Variants in EEF2 observed in about 807,000 individuals in gnomAD.
EEF2 encodes eukaryotic translation elongation factor 2, also known as elongation factor 2.
Under a neutral mutation model 85.3 loss-of-function variants are expected in EEF2, and 21 were observed. The ratio of observed to expected loss-of-function variants is 0.25; its 90% CI spans 0.17 to 0.35. The LOEUF (loss-of-function observed/expected upper bound fraction) is 0.35. EEF2 is among the 10% of genes least tolerant of loss of function. The probability of loss-of-function intolerance (pLI) is 1.00; values close to 1 mark genes in which losing one functional copy is unlikely to be tolerated. For missense variants in EEF2, 825 were observed against 1,225.3 expected, an observed-to-expected ratio of 0.67 and a Z score of 4.88; for synonymous variants, 723 against 508.8, an observed-to-expected ratio of 1.42 and a Z score of -5.67.
Position 3,980,707 on chromosome 19 carries a change from T to C in EEF2, c.1153A>G (p.Ile385Val), listed in dbSNP as rs1311584123. The change falls in exon 9 of 15, where the codon ATT becomes GTT. Residue 385 changes from isoleucine (I) to valine (V), a missense_variant and splice_region_variant. Transcript: ENST00000309311. ...GGGCCTTTGGGGTCACAGCTTTTAA[T>C]GCCTGAGGGACAGAGAAAACCCGCA... ...GPPDDEAAMG[I>V]KSCDPKGPLM... is the part of the protein sequence containing the mutation. The C allele has an allele frequency of 2.5e-6, 4 of 1,612,968 alleles. No homozygotes were observed. The East Asian group carries it at 8.9e-5, about 36-fold the overall frequency.
chr19:3,983,594 A>G (rs980865553), intron 2 of EEF2, among the ~76,000 whole-genome samples: 5 of 152,268 alleles, frequency 3.3e-5, no homozygotes, highest in Admixed American at 2.0e-4. Flanking sequence ...AAGACCCAGC[A>G]GGACGGCAAA....
intron 2 of EEF2, 152 bp from the exon 3 acceptor site, chr19:3,983,443 T>C (rs988264612): frequency 1.2e-6 from 1 of 811,022 alleles, no homozygotes; most frequent in African/African-American, 1.8e-5. Flanking sequence ...CCTTTGCCTC[T>C]GTCCGAGACA....
At chr19:3,976,882 C>A in intron 14 of EEF2, 135 bp from the exon 15 acceptor site, 1 of 1,108,328 alleles carries the variant, frequency 9.0e-7, no homozygotes, top group Non-Finnish European at 1.2e-6. Flanking sequence ...GTGCCCAGCA[C>A]TTCACGAAGG....
At chr19:3,985,223 TG>T in intron 1 of EEF2, 154 bp downstream of exon 1, 1 of 801,726 alleles carries the variant, frequency 1.2e-6, no homozygotes. Flanking sequence ...CGCACAGACA[TG>T]GCGGCGGCCG....
intron 4 of EEF2, 65 bp downstream of exon 4, chr19:3,982,742 A>G: frequency 6.5e-7 from 1 of 1,527,776 alleles, no homozygotes; most frequent in Admixed American, 1.9e-5. Context: ...GCTCAACTCC[A>G]CTCCCCACCG....
intron 6 of EEF2, among the ~76,000 whole-genome samples, chr19:3,981,662 T>C (rs1245228069): frequency 1.3e-5 from 2 of 152,228 alleles, no homozygotes; most frequent in Non-Finnish European, 2.9e-5. Context: ...AAGCCCACTC[T>C]GACTCAGACA....
At chr19:3,982,108 G>A (rs2039756630) in intron 5 of EEF2, 56 bp from the exon 6 acceptor site, 2 of 1,604,888 alleles carry the variant, frequency 1.2e-6, no homozygotes, top group Non-Finnish European at 1.7e-6. Flanking sequence ...ATGACTTGGG[G>A]AGGGTGGTCG....
intron 10 of EEF2, 133 bp from the exon 11 acceptor site, chr19:3,979,569 C>T: frequency 1.1e-6 from 1 of 942,468 alleles, no homozygotes; most frequent in Non-Finnish European, 1.6e-6. Flanking sequence ...CTGGGACCAG[C>T]ACAAACTCCT....
At position 3,977,118 on chromosome 19, in the gene EEF2, C is replaced by G; in HGVS notation, c.2383+97G>C. The G allele has an allele frequency of 6.6e-7, 1 of 1,523,154 alleles. No individual in the cohort carries two copies. The highest frequency in any genetic ancestry group is 8.8e-7 in the Non-Finnish European group (1 of 1,130,288). The allele number at this position is 1,523,154 out of a possible 1,614,324, so 94.4% of individuals were successfully genotyped here. A position where few individuals can be genotyped will look rare whatever the true frequency, so the allele number is the denominator to read the frequency against. On this transcript the variant is annotated intron_variant, in intron 14 of 14. Coordinates refer to ENST00000309311, the MANE Select transcript of EEF2 (RefSeq NM_001961.4). This position sits in a 1 kb window ranked among gnomAD's most constrained non-coding sequence, Gnocchi z 5.4. ...TGCTCCATCCATCACCTGCTCCCAT[C>G]AGGACGCCTCCTTTAACACCTTGCT...
At chr19:3,981,823 C>G in intron 6 of EEF2, 124 bp downstream of exon 6, 1 of 857,568 alleles carries the variant, frequency 1.2e-6, no homozygotes, top group Admixed American at 2.2e-5. Context: ...GCTGTGCCTC[C>G]TCCCATCTCG....
rs757973824 is a variant in EEF2 at position 3,983,249 on chromosome 19, G to C, written c.261C>G (p.Asn87Lys). The change falls in exon 3 of 15, where the codon AAC (asparagine) becomes AAG (lysine). Residue 87 changes from asparagine (N) to lysine (K), a missense_variant. Physicochemically the swap from Asn to Lys is moderately conservative, Grantham distance 94 (BLOSUM62 0). Transcript: ENST00000309311. Reference sequence around the variant, plus strand: ...CACCGTCCTTGCTCTGCTTGATGAAGTTCAAGTCATTCTCCGAGAGCTCGT... The same window carrying C: ...CACCGTCCTTGCTCTGCTTGATGAACTTCAAGTCATTCTCCGAGAGCTCGT... Reference protein sequence around the residue: ...LFYELSENDLNFIKQSKDGAG... With the variant: ...LFYELSENDLKFIKQSKDGAG... The C allele has an allele frequency of 1.2e-6, 2 of 1,613,838 alleles. No individual in the cohort carries two copies. The highest frequency in any genetic ancestry group is 2.7e-5 in the African/African-American group (2 of 74,890).
rs768400205 is a variant in EEF2, at chr19:3,982,251, A to C, written c.786T>G (p.Gly262=). ...CCATATCCCGCGGGGCTCACCTGTC[A>C]CCCCACAGCTTCTTCATCATGTCCT... ...KVEDMMKKLW[G]DRYFDPANGK... The change falls in exon 5 of 15, where the codon GGT becomes GGG. Residue 262 remains glycine, a synonymous_variant. Coordinates refer to ENST00000309311, the MANE Select transcript of EEF2 (RefSeq NM_001961.4). 7 of 1,613,776 alleles carry C rather than the reference A, an allele frequency of 4.3e-6. No individual in the cohort carries two copies. In the South Asian group the frequency reaches 7.7e-5, roughly 18 times the overall value.
chr19:3,978,266 C>A, intron 11 of EEF2, 94 bp from the exon 12 acceptor site: 1 of 1,106,534 alleles, frequency 9.0e-7, no homozygotes, highest in East Asian at 2.8e-5. Flanking sequence ...CAAGGCGGAC[C>A]TCATACAGCC....
Position 3,977,880 on chromosome 19 carries a change from A to G in EEF2, c.2006T>C (p.Val669Ala). 6.2e-7 allele frequency: 1 copy of G among 1,612,708 alleles called. No homozygotes were observed. Among genetic ancestry groups the G allele is most frequent in the Non-Finnish European group, 8.5e-7 (1 of 1,179,418 alleles). The change falls in exon 12 of 15, where the codon GTG (valine) becomes GCG (alanine). Residue 669 changes from valine to alanine, a missense_variant. Transcript: ENST00000309311. This position sits in a 1 kb window ranked among gnomAD's most constrained non-coding sequence, Gnocchi z 5.4. ...GTCCTTGATCTCGTTGAGGTACTGC[A>G]CACCCTTGGTGATGTCGGTGAGGAT... ...PNILTDITKG[V>A]QYLNEIKDSV...
At position 3,976,755 on chromosome 19, in the gene EEF2, G is replaced by A. The variant is rs1320426814; in HGVS notation, c.2384-8C>T. The A allele has an allele frequency of 4.5e-6, 7 of 1,551,932 alleles. No individual in the cohort carries two copies. The highest frequency in any genetic ancestry group is 2.7e-5 in the African/African-American group (2 of 73,398). On this transcript the variant is annotated splice_polypyrimidine_tract_variant and splice_region_variant and intron_variant, in intron 14 of 14. Transcript: ENST00000309311. Reference sequence around the variant, plus strand: ...TCAGGTCAGCGGTGAAGCCTGCAGAGGGAAGCGAGAGGCTCACTGGGCCAT... The same window carrying A: ...TCAGGTCAGCGGTGAAGCCTGCAGAAGGAAGCGAGAGGCTCACTGGGCCAT...
At position 3,980,603 on chromosome 19, in the gene EEF2, C is replaced by T. The variant is rs775750783; in HGVS notation, c.1257G>A (p.Gly419=). 2 of 1,614,128 alleles carry T rather than the reference C, an allele frequency of 1.2e-6. No homozygotes were observed. Among genetic ancestry groups the T allele is most frequent in the Non-Finnish European group, 1.7e-6 (2 of 1,180,052 alleles). The change falls in exon 9 of 15, where the codon GGG becomes GGA. Residue 419 remains glycine (G), a synonymous_variant. Transcript: ENST00000309311. ...RFYAFGRVFS[G]LVSTGLKVRI... ...TGACCTTCAGGCCAGTGGAGACCAG[C>T]CCCGAGAAGACTCGTCCAAAGGCGT...
intron 9 of EEF2, 58 bp from the exon 10 acceptor site, chr19:3,980,124 G>A: frequency 3.2e-6 from 5 of 1,569,492 alleles, no homozygotes; most frequent in Non-Finnish European, 4.3e-6. Flanking sequence ...GACCCTGGAG[G>A]GCCAGGGCAG....
chr19:3,976,777 C>A, intron 14 of EEF2, 30 bp from the exon 15 acceptor site: 3 of 1,506,134 alleles, frequency 2.0e-6, no homozygotes, highest in Non-Finnish European at 2.6e-6. Context: ...GCTCACTGGG[C>A]CATCGAGAAG....
Position 3,976,722 on chromosome 19 carries a change from G to A in EEF2, c.2409C>T (p.Asn803=), listed in dbSNP as rs1308691013. 1 of 1,598,230 alleles carries A rather than the reference G, an allele frequency of 6.3e-7. No homozygotes were observed. The highest frequency in any genetic ancestry group is 1.3e-5 in the African/African-American group (1 of 74,900). The change falls in exon 15 of 15, where the codon AAC becomes AAT. Residue 803 remains asparagine, a synonymous_variant. Transcript: ENST00000309311. Reference sequence around the variant, plus strand: ...ACTGGGGGAACGCCTGGCCGCCCGTGTTGGACCTCAGGTCAGCGGTGAAGC... The same window carrying A: ...ACTGGGGGAACGCCTGGCCGCCCGTATTGGACCTCAGGTCAGCGGTGAAGC... ...SFGFTADLRS[N]TGGQAFPQCV...
Sources: allele counts gnomAD v4.1 joint callset (sites outside exome capture counted in the v4.1 genomes callset), GRCh38; gene constraint gnomAD v4.1.1; non-coding constraint Gnocchi (gnomAD v3.1); transcripts MANE v1.5; gene names NCBI Gene and HGNC (gene_info 2026-07-23, HGNC 2026-07-21).